Variants in STK17B observed in about 807,000 individuals in gnomAD.
The protein encoded by STK17B is serine/threonine-protein kinase 17B.
In STK17B, 21 loss-of-function variants were observed where a neutral mutation model predicts 42.0. The observed-to-expected ratio is 0.50, with a 90% CI of 0.35 to 0.72. The LOEUF is 0.72. STK17B is among the 30% of genes least tolerant of loss of function. The pLI is 0.00. For missense variants in STK17B, 349 were observed against 446.0 expected (o/e 0.78, Z 1.96); for synonymous variants, 143 against 148.4 (o/e 0.96, Z 0.26).
intron 3 of STK17B, 90 bp downstream of exon 3, chr2:196,156,349 G>T: frequency 9.1e-7 from 1 of 1,102,656 alleles, no homozygotes; most frequent in Non-Finnish European, 1.3e-6. Flanking sequence ...ATCTTTACAA[G>T]TTCTTGTCAC....
intron 4 of STK17B, among the ~76,000 whole-genome samples, chr2:196,144,193 A>T (rs10167112): frequency 4.6e-5 from 5 of 107,680 alleles, no homozygotes; most frequent in East Asian, 2.9e-4. Context: ...AAATTAAAAA[A>T]TTAAAAAAAA....
intron 3 of STK17B, chr2:196,151,556 C>T (rs1165460840): frequency 6.6e-6 from 1 of 152,200 alleles, no homozygotes; most frequent in Non-Finnish European, 1.5e-5. Context: ...TTATGACCAA[C>T]TTTAATTTGC....
chr2:196,137,612 T>C lies in STK17B; in HGVS notation c.954A>G (p.Val318=). ...SSSSQTQDHS[V]RSSEDKTSKS... ...TAGAAGTCTTGTCTTCAGAGGACCT[T>C]ACAGAATGATCCTGAGTTTGAGAGG... Residue 318 remains valine, a synonymous_variant, in exon 8 of 8, where the codon GTA becomes GTG. Transcript: ENST00000263955. The C allele has an allele frequency of 6.2e-7, 1 of 1,614,102 alleles. No homozygotes were observed. The highest frequency in any genetic ancestry group is 8.5e-7 in the Non-Finnish European group (1 of 1,179,984).
chr2:196,153,183 T>C (rs1699689884), intron 3 of STK17B: 1 of 140,466 alleles, frequency 7.1e-6, no homozygotes. Flanking sequence ...CAGAAACAAA[T>C]GTATCTAACT....
chr2:196,159,881 A>C (rs1462499103), intron 2 of STK17B, among the ~76,000 whole-genome samples: 1 of 152,192 alleles, frequency 6.6e-6, no homozygotes, highest in African/African-American at 2.4e-5. Context: ...TCCTGTACTT[A>C]AAGTGTTTGT....
intron 4 of STK17B, among the ~76,000 whole-genome samples, chr2:196,144,359 C>A (rs1003359279): frequency 6.6e-6 from 1 of 151,086 alleles, no homozygotes; most frequent in African/African-American, 2.4e-5. Flanking sequence ...TGGTGGCAGG[C>A]ACCTGTAGTC....
intron 2 of STK17B, 85 bp from the exon 3 acceptor site, chr2:196,156,736 TAA>T: frequency 1.0e-6 from 1 of 1,001,126 alleles, no homozygotes; most frequent in South Asian, 1.6e-5. Context: ...ACCTCCAACT[TAA>T]AGTCAATTCT....
intron 6 of STK17B, among the ~76,000 whole-genome samples, chr2:196,141,012 C>A (rs1226842162): frequency 2.0e-5 from 3 of 152,178 alleles, no homozygotes; most frequent in African/African-American, 7.2e-5. Flanking sequence ...TTTTACTCAA[C>A]TGAGTTTTCA....
intron 3 of STK17B, among the ~76,000 whole-genome samples, chr2:196,149,846 T>A (rs938867574): frequency 5.3e-5 from 8 of 152,342 alleles, no homozygotes; most frequent in African/African-American, 1.7e-4. Context: ...ACTTTTATAA[T>A]CAGGGAAAGT....
upstream of STK17B, among the ~76,000 whole-genome samples, chr2:196,175,722 T>A (rs1443661568): frequency 6.6e-6 from 1 of 152,250 alleles, no homozygotes; most frequent in Non-Finnish European, 1.5e-5. Flanking sequence ...TTTGTCATGT[T>A]AGCCACATCC....
chr2:196,142,885 A>G (rs1382209618), intron 5 of STK17B, among the ~76,000 whole-genome samples: 2 of 152,252 alleles, frequency 1.3e-5, no homozygotes, highest in African/African-American at 4.8e-5. Flanking sequence ...AGAAAAAAGA[A>G]AAAAGATTAT....
chr2:196,148,135 T>C (rs759205120), intron 3 of STK17B, among the ~76,000 whole-genome samples: 3 of 152,152 alleles, frequency 2.0e-5, no homozygotes, highest in Non-Finnish European at 4.4e-5. Flanking sequence ...CAAAATAAGG[T>C]ATAGAAAGAC....
In STK17B at chr2:196,141,271, T is replaced by C; in HGVS notation, c.634A>G (p.Ile212Val). 1.9e-6 allele frequency: 3 copies of C among 1,607,498 alleles called. No individual in the cohort carries two copies. The highest frequency in any genetic ancestry group is 2.5e-6 in the Non-Finnish European group (3 of 1,176,586). ...LAPEILNYDP[I>V]TTATDMWNIG... ...TACCACATATCTGTTGCTGTGGTAA[T>C]GGGATCATAGTTCAGGATTTCTGGA... Residue 212 changes from isoleucine (I) to valine (V), a missense_variant, in exon 6 of 8, where the codon ATT becomes GTT. Physicochemically the swap from Ile to Val is conservative, Grantham distance 29 (BLOSUM62 3). Transcript: ENST00000263955.
chr2:196,133,593 GAT>G lies in STK17B; in HGVS notation c.*3852_*3853del, dbSNP rs1187488195. The G allele has an allele frequency of 3.3e-5, 5 of 152,228 alleles. No homozygotes were observed. Among genetic ancestry groups the G allele is most frequent in the African/African-American group, 1.2e-4 (5 of 41,468 alleles). 9.4% of individuals were successfully genotyped at this position (152,228 alleles called of 1,614,324 possible). On this transcript the variant is annotated 3_prime_UTR_variant, in exon 8 of 8. Transcript: ENST00000263955. ...GTTTTCAGATTTATATGCCTTTACA[GAT>G]ATGTTTATTAGACACAAAGAGGGTT...
chr2:196,146,980 T>G (rs1389599412), intron 3 of STK17B, among the ~76,000 whole-genome samples: 2 of 152,090 alleles, frequency 1.3e-5, no homozygotes, highest in African/African-American at 2.4e-5. Context: ...AGTGAAAAAT[T>G]CCTAGGTTTG....
At chr2:196,159,791 A>G (rs1699788552) in intron 2 of STK17B, among the ~76,000 whole-genome samples, 1 of 152,270 alleles carries the variant, frequency 6.6e-6, no homozygotes, top group African/African-American at 2.4e-5. Flanking sequence ...TTGTTAACAC[A>G]TAATAGGAAC....
chr2:196,175,629 AAAAT>A (rs558605895), upstream of STK17B, among the ~76,000 whole-genome samples: 1 of 152,230 alleles, frequency 6.6e-6, no homozygotes, highest in Non-Finnish European at 1.5e-5. Flanking sequence ...CTCTGTCTCA[AAAAT>A]AAATAAAGTT....
At chr2:196,150,179 T>TAAAAAAAAAAAAAAAAAAAAAAAGAAAA (rs1699645263) in intron 3 of STK17B, among the ~76,000 whole-genome samples, 1 of 113,516 alleles carries the variant, frequency 8.8e-6, no homozygotes, top group African/African-American at 3.5e-5. Context: ...GAGCAGTGAC[T>TAAAAAAAAAAAAAAAAAAAAAAAGAAAA]AAAAAAAAAA....
chr2:196,169,529 AT>A (rs1425411166), intron 1 of STK17B, among the ~76,000 whole-genome samples: 1 of 152,198 alleles, frequency 6.6e-6, no homozygotes, highest in East Asian at 1.9e-4. Context: ...TCATAAGGAA[AT>A]TCTCCCTTAT....
Sources: gnomAD v4.1 joint callset for allele counts (sites outside exome capture counted in the v4.1 genomes callset) on GRCh38, gnomAD v4.1.1 for gene constraint, MANE v1.5 for transcripts, NCBI Gene and HGNC (gene_info 2026-07-23, HGNC 2026-07-21) for gene names.